PDE10A: variants seen among roughly 807,000 people sequenced by gnomAD.
PDE10A encodes the protein phosphodiesterase 10A.
A neutral mutation model predicts 97.7 loss-of-function variants in PDE10A; 39 were observed. That is an observed-to-expected ratio of 0.40 (90% CI 0.31 to 0.52). The LOEUF is 0.52. PDE10A is among the 20% of genes least tolerant of loss of function. The pLI, the probability that PDE10A is intolerant of heterozygous loss-of-function variation, is 0.56. For synonymous variants in PDE10A, 371 were observed against 376.8 expected, an observed-to-expected ratio of 0.98 and a Z score of 0.18; for missense variants, 731 against 1,047.8, an observed-to-expected ratio of 0.70 and a Z score of 4.17.
intron 1 of PDE10A, among the ~76,000 whole-genome samples, chr6:165,869,254 A>G (rs1231312140): frequency 6.6e-6 from 1 of 152,190 alleles, no homozygotes; most frequent in Non-Finnish European, 1.5e-5. Flanking sequence ...GTTGCAGAAT[A>G]CAAAATCAAC....
chr6:165,366,545 T>C (rs1047719225), intron 18 of PDE10A, among the ~76,000 whole-genome samples: 1 of 152,152 alleles, frequency 6.6e-6, no homozygotes, highest in African/African-American at 2.4e-5. Context: ...TGGAAGAAGA[T>C]TTAAACGTTG....
At chr6:165,437,598 C>A (rs1345794076) in intron 5 of PDE10A, among the ~76,000 whole-genome samples, 1 of 152,182 alleles carries the variant, frequency 6.6e-6, no homozygotes, top group Non-Finnish European at 1.5e-5. Context: ...AAACTTTATA[C>A]TTATTTTCCT....
chr6:165,927,258 A>T (rs1782965955), intron 1 of PDE10A, among the ~76,000 whole-genome samples: 1 of 152,214 alleles, frequency 6.6e-6, no homozygotes, highest in Admixed American at 6.5e-5. Flanking sequence ...CCTGGAATTC[A>T]TCCTAAGAAA....
intron 2 of PDE10A, among the ~76,000 whole-genome samples, chr6:165,498,591 C>A (rs1780689930): frequency 6.6e-6 from 1 of 151,796 alleles, no homozygotes; most frequent in Non-Finnish European, 1.5e-5. Context: ...TACAAGATTC[C>A]ATGAAATTTG....
chr6:165,775,461 A>G (rs1219149153), intron 1 of PDE10A: 1 of 152,190 alleles, frequency 6.6e-6, no homozygotes, highest in African/African-American at 2.4e-5. Flanking sequence ...AGCAGGATGA[A>G]TGTTTGCTGG....
chr6:165,371,711 T>G (rs1784261361), intron 18 of PDE10A, among the ~76,000 whole-genome samples: 2 of 151,964 alleles, frequency 1.3e-5, no homozygotes, highest in South Asian at 4.2e-4. Context: ...GAGGGAATCC[T>G]CCCTAACTCA....
Position 165,516,357 on chromosome 6 carries a change from C to T in PDE10A, c.994+27083G>A, listed in dbSNP as rs529119959. 7.0e-4 allele frequency among the ~76,000 whole-genome samples: 107 copies of T among 152,286 alleles called. 5 individuals are homozygous for T. The South Asian group carries it at 0.02, about 29-fold the overall frequency. On this transcript the variant is annotated intron_variant, in intron 2 of 21. Coordinates refer to ENST00000539869, the MANE Select transcript of PDE10A (RefSeq NM_001385079.1). ...CACATCTTAAAAGATTATGTACATG[C>T]TTCCTCCCTAAATCCCCTCCTTAAT...
At chr6:165,966,763 A>G (rs77912793) in intron 1 of PDE10A, among the ~76,000 whole-genome samples, 3,207 of 152,336 alleles carry the variant, frequency 0.021, 108 homozygotes, top group African/African-American at 0.072. Context: ...CTTGTCCCCA[A>G]ATAATAATGC....
At chr6:165,498,034 T>A (rs1780640708) in intron 2 of PDE10A, among the ~76,000 whole-genome samples, 1 of 152,274 alleles carries the variant, frequency 6.6e-6, no homozygotes, top group East Asian at 1.9e-4. Flanking sequence ...CAATGTTTTG[T>A]GACTCTTTAG....
chr6:165,514,937 G>A (rs1043704536), intron 2 of PDE10A, among the ~76,000 whole-genome samples: 2 of 152,124 alleles, frequency 1.3e-5, no homozygotes, highest in Non-Finnish European at 2.9e-5. Context: ...TGCCTTTTGG[G>A]GAGAGGATTT....
intron 1 of PDE10A, among the ~76,000 whole-genome samples, chr6:165,550,792 G>A (rs1325927528): frequency 6.6e-6 from 1 of 152,192 alleles, no homozygotes; most frequent in Non-Finnish European, 1.5e-5. Flanking sequence ...GGCTACATGA[G>A]CAGACAGTGC....
At chr6:165,471,447 A>G (rs554717239) in intron 3 of PDE10A, among the ~76,000 whole-genome samples, 3 of 152,106 alleles carry the variant, frequency 2.0e-5, no homozygotes, top group Non-Finnish European at 4.4e-5. Context: ...ACGTTTACCT[A>G]AACTCCAGTC....
rs187452027 is a variant in PDE10A, at chr6:165,850,623, G to T, written c.-615+136906C>A. On this transcript the variant is annotated intron_variant, in intron 1 of 19. Transcript: ENST00000366882. ...ATCGAGGAGCGACACTGGCAGCTGG[G>T]TGCCCTCTGCTGGCCAGTCTGGGAA... Among the ~76,000 whole-genome samples, 93 of 152,242 alleles carry T rather than the reference G, an allele frequency of 6.1e-4. 2 individuals are homozygous for T. In the South Asian group the frequency reaches 0.01, roughly 17 times the overall value.
chr6:165,751,694 T>C (rs186737806), intron 1 of PDE10A, among the ~76,000 whole-genome samples: 132 of 152,274 alleles, frequency 8.7e-4, no homozygotes, highest in African/African-American at 2.9e-3. Flanking sequence ...CTGCCCTGAT[T>C]GCTCATCAGC....
intron 1 of PDE10A, among the ~76,000 whole-genome samples, chr6:165,601,982 G>A (rs533019359): frequency 3.9e-5 from 6 of 152,242 alleles, no homozygotes; most frequent in African/African-American, 1.4e-4. Context: ...TTTTAAAACA[G>A]AGACTAAGAT....
At position 165,413,484 on chromosome 6, in the gene PDE10A, TAATA is replaced by T; in HGVS notation, c.2076+13_2076+16del. Reference sequence around the variant, plus strand: ...ATATTGAGTAGTAAAAAATGGTATTTAATAAATAGTACTTACATTAGCACAGTGT... The same window carrying T: ...ATATTGAGTAGTAAAAAATGGTATTTAATAGTACTTACATTAGCACAGTGT... On this transcript the variant is annotated intron_variant, in intron 13 of 21. Coordinates refer to ENST00000539869, the MANE Select transcript of PDE10A (RefSeq NM_001385079.1). The T allele has an allele frequency of 6.4e-7, 1 of 1,563,800 alleles. No homozygotes were observed.
intron 1 of PDE10A, among the ~76,000 whole-genome samples, chr6:165,730,279 G>A (rs932154130): frequency 6.6e-6 from 1 of 152,032 alleles, no homozygotes; most frequent in Non-Finnish European, 1.5e-5. Context: ...TTCCTCTGTC[G>A]TTTCTACTGA....
chr6:165,398,469 T>C (rs867990646), intron 13 of PDE10A, among the ~76,000 whole-genome samples: 8 of 144,276 alleles, frequency 5.5e-5, no homozygotes, highest in African/African-American at 1.3e-4. Context: ...GCCTGGGCGA[T>C]AGAGCAAGAC....
chr6:165,814,386 C>T (rs756641539), intron 1 of PDE10A, among the ~76,000 whole-genome samples: 20 of 152,214 alleles, frequency 1.3e-4, no homozygotes, highest in Non-Finnish European at 1.2e-4. Flanking sequence ...ATGAACATCA[C>T]GTGAAATAAG....
Sources: gnomAD v4.1 joint callset for allele counts (sites outside exome capture counted in the v4.1 genomes callset) on GRCh38, gnomAD v4.1.1 for gene constraint, MANE v1.5 for transcripts, NCBI Gene and HGNC (gene_info 2026-07-23, HGNC 2026-07-21) for gene names.